The following PPP2R3B variants were observed in gnomAD, a reference collection of about 807,000 sequenced individuals.
PPP2R3B encodes serine/threonine-protein phosphatase 2A regulatory subunit B'' subunit beta.
Under a neutral mutation model 72.9 loss-of-function variants are expected in PPP2R3B, and 68 were observed. That is an observed-to-expected ratio of 0.93 (90% CI 0.77 to 1.14). The LOEUF (loss-of-function observed/expected upper bound fraction) is 1.14, where lower values mean the gene tolerates loss of function less well. Ranked by LOEUF, PPP2R3B falls within the 50% of genes most tolerant of loss-of-function variation. PPP2R3B has a pLI of 0.00. For synonymous variants in PPP2R3B, 466 were observed against 375.8 expected, an observed-to-expected ratio of 1.24 and a Z score of -2.78; for missense variants, 1,018 against 842.0, an observed-to-expected ratio of 1.21 and a Z score of -2.59.
chrX:358,188 C>G (rs1459659924), intron 2 of PPP2R3B, among the ~76,000 whole-genome samples: 2 of 152,238 alleles, frequency 1.3e-5, no homozygotes, highest in Non-Finnish European at 2.9e-5. Context: ...CCCAAAGGCA[C>G]ACGATGGAGA....
In PPP2R3B at chrX:386,735, CCCCGCCCCGGGGGCTTCGG is replaced by C; in HGVS notation, c.-63_-45del. The C allele has an allele frequency of 8.4e-7, 1 of 1,184,074 alleles. No individual in the cohort carries two copies. Among genetic ancestry groups the C allele is most frequent in the East Asian group, 3.6e-5 (1 of 27,414 alleles). 73.3% of individuals were successfully genotyped at this position (1,184,074 alleles called of 1,614,324 possible). On this transcript the variant is annotated 5_prime_UTR_variant, in exon 1 of 13. Transcript: ENST00000390665. Reference sequence around the variant, plus strand: ...GGCGCCCCCGGACGCCCGCGCCCCGCCCCGCCCCGGGGGCTTCGGTCCGCCCCGGACCGACCTCGGTGAT... The same window carrying C: ...GGCGCCCCCGGACGCCCGCGCCCCGCTCCGCCCCGGACCGACCTCGGTGAT...
chrX:372,160 C>G (rs962353178), intron 1 of PPP2R3B, among the ~76,000 whole-genome samples: 1 of 152,142 alleles, frequency 6.6e-6, no homozygotes, highest in Non-Finnish European at 1.5e-5. Context: ...GAGCAAATCC[C>G]GCACGAGGCT....
chrX:352,524 G>T (rs2071352376), intron 2 of PPP2R3B, among the ~76,000 whole-genome samples: 1 of 152,066 alleles, frequency 6.6e-6, no homozygotes, highest in South Asian at 2.1e-4. Context: ...ACCTTGCTCT[G>T]TGTGGATCGT....
At chrX:341,423 C>G (rs367904799) in intron 8 of PPP2R3B, 27 bp from the exon 9 acceptor site, 133 of 1,607,850 alleles carry the variant, frequency 8.3e-5, no homozygotes, top group African/African-American at 4.0e-4. Context: ...GATGGAGAGA[C>G]GAAGATGCAT....
At chrX:338,963 T>C (rs2070975106) in intron 10 of PPP2R3B, 67 bp from the exon 11 acceptor site, 8 of 1,320,046 alleles carry the variant, frequency 6.1e-6, no homozygotes, top group Non-Finnish European at 8.7e-6. Flanking sequence ...GGGTGTGGGG[T>C]GCGCGCGTCC....
intron 1 of PPP2R3B, among the ~76,000 whole-genome samples, chrX:368,365 G>C: frequency 1.2e-5 from 1 of 86,254 alleles, no homozygotes. Context: ...ACCCACCCCG[G>C]GCACCGACGG....
chrX:341,791 G>T, intron 8 of PPP2R3B, 92 bp downstream of exon 8: 5 of 1,374,010 alleles, frequency 3.6e-6, no homozygotes, highest in East Asian at 4.6e-5. Context: ...CGCTGTCGGG[G>T]CACAAAAAGC....
Position 340,589 on chromosome X carries a change from C to A in PPP2R3B, c.1351+176G>T, listed in dbSNP as rs1331351970. ...CCGTCCCCTCACCCTGGGCCGTCCT[C>A]CCTCCCGTCCGTCCCCTCTCCCTGG... is the stretch of plus-strand genomic sequence containing the variant. On this transcript the variant is annotated intron_variant, in intron 10 of 12. Coordinates refer to ENST00000390665, the MANE Select transcript of PPP2R3B (RefSeq NM_013239.5). 1.6e-5 allele frequency: 2 copies of A among 125,820 alleles called. No individual in the cohort carries two copies. The highest frequency in any genetic ancestry group is 1.5e-4 in the Admixed American group (2 of 12,934). 7.8% of individuals were successfully genotyped at this position (125,820 alleles called of 1,614,324 possible).
chrX:345,990 C>T (rs1269641113), intron 6 of PPP2R3B, among the ~76,000 whole-genome samples, 184 bp downstream of exon 6: 1 of 139,828 alleles, frequency 7.2e-6, no homozygotes, highest in Non-Finnish European at 1.6e-5. Context: ...CAACCGCAGG[C>T]GGCGGGGTTC....
In PPP2R3B at chrX:338,729, T is replaced by G. The variant is rs780341589; in HGVS notation, c.1471-19A>C. On this transcript the variant is annotated intron_variant, in intron 11 of 12. Transcript: ENST00000390665. ...CACCGTCCTGGAGGAAGCACACGGG[T>G]TACGTACACGGCGTGGCGCGGCCCG... 5 of 1,611,762 alleles carry G rather than the reference T, an allele frequency of 3.1e-6. No individual in the cohort carries two copies. In the South Asian group the frequency reaches 4.4e-5, roughly 14 times the overall value.
chrX:353,986 A>G (rs866625720), intron 2 of PPP2R3B, among the ~76,000 whole-genome samples: 501 of 85,942 alleles, frequency 5.8e-3, no homozygotes, highest in East Asian at 0.01. Context: ...CCCAAAGACC[A>G]GGGCTCATCC....
chrX:368,154 G>A lies in PPP2R3B; in HGVS notation c.325-6564C>T, dbSNP rs751986051. Among the ~76,000 whole-genome samples, 5 of 147,394 alleles carry A rather than the reference G, an allele frequency of 3.4e-5. No homozygotes were observed. The East Asian group carries it at 6.1e-4, about 18-fold the overall frequency. On this transcript the variant is annotated intron_variant, in intron 1 of 12. Transcript: ENST00000390665. ...GACCACCCACCCTGGGCACAGACAC[G>A]GGGAAGGCCGGGACCACCCACCTTG...
In PPP2R3B at chrX:347,317, C is replaced by T; in HGVS notation, c.634G>A (p.Asp212Asn). 2 of 1,613,788 alleles carry T rather than the reference C, an allele frequency of 1.2e-6. No individual in the cohort carries two copies. The change falls in exon 4 of 13, where the codon GAC (aspartate) becomes AAC (asparagine). Residue 212 changes from aspartate (D) to asparagine (N), a missense_variant. Asp to Asn is a conservative substitution (Grantham distance 23). Transcript: ENST00000390665. ...AGATGGACGAACTTGGCCGCGTCGT[C>T]GTGGCAGTTCTGGAGGATTCTGGAA... ...MWRKILQNCHDDAAKFVHLLM... is the reference protein window; with the variant it reads ...MWRKILQNCHNDAAKFVHLLM...
intron 1 of PPP2R3B, among the ~76,000 whole-genome samples, chrX:378,120 C>T (rs752609723): frequency 1.3e-5 from 2 of 152,146 alleles, no homozygotes; most frequent in Admixed American, 1.3e-4. Flanking sequence ...CAGGCCAGCA[C>T]GGAATCTGCG....
At chrX:366,590 C>T (rs867813977) in intron 1 of PPP2R3B, among the ~76,000 whole-genome samples, 14 of 5,492 alleles carry the variant, frequency 2.5e-3, no homozygotes, top group African/African-American at 3.7e-3. Context: ...CCCAGCTACT[C>T]GGGAGGCTGA....
At chrX:356,219 T>A (rs757068516) in intron 2 of PPP2R3B, among the ~76,000 whole-genome samples, 9 of 152,276 alleles carry the variant, frequency 5.9e-5, no homozygotes, top group Admixed American at 5.2e-4. Context: ...TTTTTGTTTT[T>A]TGTTTTTTTG....
intron 7 of PPP2R3B, chrX:342,305 CCTCAGCAACGGGAGGCGGGAGTGAGA>C (rs2071098729): frequency 3.2e-6 from 1 of 316,980 alleles, no homozygotes; most frequent in Non-Finnish European, 5.9e-6. Flanking sequence ...GGGAGTGAGA[CCTCAGCAACGGGAGGCGGGAGTGAGA>C]CCTCAGCAAC....
At chrX:352,655 G>C (rs1438854306) in intron 2 of PPP2R3B, among the ~76,000 whole-genome samples, 1 of 151,894 alleles carries the variant, frequency 6.6e-6, no homozygotes, top group Non-Finnish European at 1.5e-5. Flanking sequence ...CAAGGCCCAC[G>C]TGATGGTGCT....
At chrX:341,419 G>A (rs771474387) in intron 8 of PPP2R3B, 23 bp from the exon 9 acceptor site, 1 of 1,610,102 alleles carries the variant, frequency 6.2e-7, no homozygotes. Context: ...CCAGGATGGA[G>A]AGACGAAGAT....
Sources: allele counts gnomAD v4.1 joint callset (sites outside exome capture counted in the v4.1 genomes callset), GRCh38; gene constraint gnomAD v4.1.1; transcripts MANE v1.5; gene names NCBI Gene and HGNC (gene_info 2026-07-23, HGNC 2026-07-21).